Variants in MAGI1 observed in about 807,000 individuals in gnomAD.
MAGI1 encodes the protein membrane-associated guanylate kinase, WW and PDZ domain-containing protein 1.
A neutral mutation model predicts 139.9 loss-of-function variants in MAGI1; 58 were observed. The ratio of observed to expected loss-of-function variants is 0.41; its 90% CI spans 0.34 to 0.52. MAGI1 has a LOEUF of 0.52. MAGI1 is among the 20% of genes least tolerant of loss of function. The pLI is 0.12. For missense variants in MAGI1, 1,874 were observed against 1,901.6 expected (o/e 0.99, Z 0.27); for synonymous variants, 812 against 737.9 (o/e 1.10, Z -1.63).
intron 1 of MAGI1, among the ~76,000 whole-genome samples, chr3:65,819,562 C>T (rs1231803615): frequency 6.6e-6 from 1 of 151,764 alleles, no homozygotes; most frequent in East Asian, 1.9e-4. Context: ...TGCTGAAATC[C>T]ACCCCAGCAT....
intron 4 of MAGI1, among the ~76,000 whole-genome samples, chr3:65,473,120 G>C (rs186832310): frequency 7.9e-5 from 12 of 152,238 alleles, no homozygotes; most frequent in African/African-American, 2.9e-4. Flanking sequence ...AGCACATAGT[G>C]AGCCATAGTA....
At chr3:65,483,548 G>T (rs1437225731) in intron 3 of MAGI1, among the ~76,000 whole-genome samples, 1 of 152,224 alleles carries the variant, frequency 6.6e-6, no homozygotes, top group East Asian at 1.9e-4. Flanking sequence ...CTGAAAAATT[G>T]TAAGTGATTA....
intron 1 of MAGI1, among the ~76,000 whole-genome samples, chr3:65,947,307 G>C (rs895110644): frequency 6.6e-6 from 1 of 151,748 alleles, no homozygotes; most frequent in Non-Finnish European, 1.5e-5. Flanking sequence ...AGTAATTCTG[G>C]GATTAGAATT....
intron 1 of MAGI1, among the ~76,000 whole-genome samples, chr3:65,832,260 C>G (rs977606036): frequency 6.6e-6 from 1 of 152,226 alleles, no homozygotes; most frequent in Admixed American, 6.5e-5. Flanking sequence ...GCAGCTGGTT[C>G]TGTGCAGTCT....
intron 1 of MAGI1, among the ~76,000 whole-genome samples, chr3:65,792,860 A>G (rs2039881571): frequency 6.6e-6 from 1 of 152,178 alleles, no homozygotes; most frequent in African/African-American, 2.4e-5. Context: ...ACACCACGGA[A>G]AGCAAAACCA....
chr3:65,359,044 G>A, intron 22 of MAGI1: 1 of 1,604,694 alleles, frequency 6.2e-7, no homozygotes, highest in Non-Finnish European at 8.5e-7. Context: ...GAAACACCTA[G>A]TATTGATTGA....
At chr3:65,490,135 A>G (rs1474816960) in intron 3 of MAGI1, among the ~76,000 whole-genome samples, 1 of 152,258 alleles carries the variant, frequency 6.6e-6, no homozygotes, top group African/African-American at 2.4e-5. Context: ...GTGTAAATAC[A>G]AAAGCTAATG....
At chr3:66,001,217 C>T (rs2066721587) in intron 1 of MAGI1, among the ~76,000 whole-genome samples, 1 of 151,740 alleles carries the variant, frequency 6.6e-6, no homozygotes, top group Admixed American at 6.6e-5. Context: ...GGAATTGGTT[C>T]GATTAGGATG....
At chr3:65,479,241 C>T (rs1440759071) in intron 3 of MAGI1, among the ~76,000 whole-genome samples, 3 of 152,160 alleles carry the variant, frequency 2.0e-5, no homozygotes, top group South Asian at 2.1e-4. Flanking sequence ...TAAGGGGACT[C>T]GTCAAGAGGG....
At chr3:65,437,093 C>T (rs572512353) in intron 10 of MAGI1, 62 bp downstream of exon 10, 1 of 1,189,926 alleles carries the variant, frequency 8.4e-7, no homozygotes, top group Non-Finnish European at 1.2e-6. Flanking sequence ...TTTCAAAATA[C>T]CTTAAAAAAA....
chr3:65,357,979 T>G (rs771857248), intron 22 of MAGI1, among the ~76,000 whole-genome samples: 2 of 152,180 alleles, frequency 1.3e-5, no homozygotes, highest in Non-Finnish European at 2.9e-5. Context: ...GAGAAGCTGC[T>G]AAGTACACAT....
intron 1 of MAGI1, among the ~76,000 whole-genome samples, chr3:65,942,931 G>A (rs773520694): frequency 1.3e-5 from 2 of 152,174 alleles, no homozygotes; most frequent in Non-Finnish European, 2.9e-5. Context: ...TGAGGCAAGA[G>A]AATCCCTTGA....
intron 10 of MAGI1, among the ~76,000 whole-genome samples, chr3:65,434,772 C>G (rs1947713960): frequency 6.6e-6 from 1 of 152,046 alleles, no homozygotes; most frequent in African/African-American, 2.4e-5. Flanking sequence ...CAGTTATATT[C>G]CAAAGATTAT....
intron 1 of MAGI1, among the ~76,000 whole-genome samples, chr3:65,663,742 T>G (rs2086336012): frequency 6.6e-6 from 1 of 152,164 alleles, no homozygotes; most frequent in Admixed American, 6.5e-5. Flanking sequence ...TTGTTCTTCC[T>G]TGTCAAGGTT....
At chr3:65,446,374 G>C (rs1405619784) in intron 7 of MAGI1, among the ~76,000 whole-genome samples, 2 of 152,114 alleles carry the variant, frequency 1.3e-5, no homozygotes, top group Non-Finnish European at 2.9e-5. Context: ...AGTAAGCAGG[G>C]GAGCCACACA....
chr3:65,452,204 T>C (rs1276171778), intron 6 of MAGI1, among the ~76,000 whole-genome samples: 1 of 152,190 alleles, frequency 6.6e-6, no homozygotes, highest in Admixed American at 6.5e-5. Flanking sequence ...CCATTTGAAG[T>C]AACTCAGATA....
chr3:65,362,068 G>A (rs1342552445), intron 21 of MAGI1, among the ~76,000 whole-genome samples: 1 of 152,204 alleles, frequency 6.6e-6, no homozygotes, highest in East Asian at 1.9e-4. Context: ...TCTAAAAAGA[G>A]GAGGAATGGC....
At chr3:65,860,984 A>T (rs1039285996) in intron 1 of MAGI1, among the ~76,000 whole-genome samples, 1 of 152,214 alleles carries the variant, frequency 6.6e-6, no homozygotes, top group African/African-American at 2.4e-5. Context: ...GGTAACAGAG[A>T]ATTCAAATAA....
intron 1 of MAGI1, among the ~76,000 whole-genome samples, chr3:65,734,392 C>T (rs2034492804): frequency 6.7e-6 from 1 of 148,156 alleles, no homozygotes; most frequent in South Asian, 2.1e-4. Flanking sequence ...CCCAGGAGGT[C>T]GAGGCAGCAG....
Sources: gnomAD v4.1 joint callset for allele counts (sites outside exome capture counted in the v4.1 genomes callset) on GRCh38, gnomAD v4.1.1 for gene constraint, MANE v1.5 for transcripts, NCBI Gene and HGNC (gene_info 2026-07-23, HGNC 2026-07-21) for gene names.